Variants in NCAPG2 observed in about 807,000 individuals in gnomAD.
NCAPG2 encodes the protein condensin-2 complex subunit G2.
A neutral mutation model predicts 141.1 loss-of-function variants in NCAPG2; 53 were observed. That is an observed-to-expected ratio of 0.38 (90% CI 0.30 to 0.47). The LOEUF (loss-of-function observed/expected upper bound fraction) is 0.47, where lower values mean the gene tolerates loss of function less well. Among genes scored for constraint, NCAPG2 ranks in the 20% least tolerant of loss-of-function variants. NCAPG2 has a pLI of 0.99. For missense variants in NCAPG2, 1,087 were observed against 1,389.0 expected (o/e 0.78, Z 3.46); for synonymous variants, 499 against 490.7 (o/e 1.02, Z -0.22).
chr7:158,637,363 T>C (rs927553974), intron 27 of NCAPG2, among the ~76,000 whole-genome samples: 3 of 152,154 alleles, frequency 2.0e-5, no homozygotes, highest in Admixed American at 6.5e-5. Context: ...CCCACCTGCT[T>C]TAGTGCCCAG....
chr7:158,687,420 A>T lies in NCAPG2; in HGVS notation c.695T>A (p.Leu232His). 1 of 1,608,058 alleles carries T rather than the reference A, an allele frequency of 6.2e-7. No individual in the cohort carries two copies. The highest frequency in any genetic ancestry group is 8.5e-7 in the Non-Finnish European group (1 of 1,176,786). Residue 232 changes from leucine to histidine, a missense_variant, in exon 7 of 28, where the codon CTC (leucine) becomes CAC (histidine). By Grantham distance (99) the Leu-to-His change is moderately conservative. Transcript: ENST00000356309. Reference protein sequence around the residue: ...KEEGRRFLSCLFNWNINFIKM... With the variant: ...KEEGRRFLSCHFNWNINFIKM... ...GATGAAGTTGATATTCCAGTTGAAG[A>T]GACAACTAAGAAATCTTCTTCCCTA...
intron 27 of NCAPG2, among the ~76,000 whole-genome samples, 167 bp downstream of exon 27, chr7:158,644,122 A>T (rs1276670500): frequency 1.3e-5 from 2 of 152,262 alleles, no homozygotes; most frequent in African/African-American, 4.8e-5. Flanking sequence ...CAAGTAAATT[A>T]AACGTAAGCT....
chr7:158,674,568 G>C, intron 12 of NCAPG2, among the ~76,000 whole-genome samples: 1 of 152,220 alleles, frequency 6.6e-6, no homozygotes, highest in East Asian at 1.9e-4. Context: ...GGGATTACAG[G>C]TGTGAGCCAC....
rs552681921 is a variant in NCAPG2 at position 158,637,148 on chromosome 7, C to T, written c.3381-5431G>A. ...ATTTTTAGTAGAGACGGGGTTTCACCGTGTTAGCCAGGATGGTCTCGATCT... is the reference window on the plus strand; with the variant it reads ...ATTTTTAGTAGAGACGGGGTTTCACTGTGTTAGCCAGGATGGTCTCGATCT... On this transcript the variant is annotated intron_variant, in intron 27 of 27. Transcript: ENST00000356309. Among the ~76,000 whole-genome samples, 583 of 152,200 alleles carry T rather than the reference C, an allele frequency of 3.8e-3. 2 individuals carry two copies. The highest frequency in any genetic ancestry group is 6.8e-3 in the Non-Finnish European group (463 of 68,004).
intron 24 of NCAPG2, among the ~76,000 whole-genome samples, chr7:158,647,291 G>C (rs35348911): frequency 0.57 from 86,616 of 152,040 alleles, 25,111 homozygotes; most frequent in Non-Finnish European, 0.61. Context: ...GGAGGCTGAA[G>C]AGCATCCCTG....
intron 13 of NCAPG2, 118 bp from the exon 14 acceptor site, chr7:158,664,868 A>G (rs1832799061): frequency 2.5e-6 from 2 of 789,574 alleles, no homozygotes; most frequent in African/African-American, 1.7e-5. Context: ...ATTTAAAAAA[A>G]TTCACTTCGA....
chr7:158,677,562 T>C (rs1465905646), intron 11 of NCAPG2, among the ~76,000 whole-genome samples: 2 of 145,794 alleles, frequency 1.4e-5, no homozygotes, highest in African/African-American at 2.5e-5. Context: ...AAAAGAACTT[T>C]AGGAATCTGA....
intron 15 of NCAPG2, among the ~76,000 whole-genome samples, chr7:158,663,223 A>G (rs1345055818): frequency 6.6e-6 from 1 of 151,914 alleles, no homozygotes; most frequent in African/African-American, 2.4e-5. Context: ...CTGAGAGAAG[A>G]AACTCAAACT....
chr7:158,637,562 C>G (rs1830354923), intron 27 of NCAPG2, among the ~76,000 whole-genome samples: 1 of 152,302 alleles, frequency 6.6e-6, no homozygotes, highest in Non-Finnish European at 1.5e-5. Flanking sequence ...AGAGAGTAGG[C>G]TTTCCAGCTC....
intron 13 of NCAPG2, chr7:158,668,226 AC>A (rs1833359208): frequency 1.0e-5 from 2 of 195,314 alleles, no homozygotes; most frequent in African/African-American, 3.9e-4. Flanking sequence ...CTTACCCACT[AC>A]TGGGTCCCTC....
At chr7:158,659,025 T>TAAA (rs55893307) in intron 16 of NCAPG2, among the ~76,000 whole-genome samples, 3 of 97,732 alleles carry the variant, frequency 3.1e-5, no homozygotes, top group African/African-American at 8.1e-5. Context: ...GCATTATATT[T>TAAA]AAAAAAAAAA....
At chr7:158,636,162 G>A (rs767023187) in intron 27 of NCAPG2, among the ~76,000 whole-genome samples, 8 of 152,016 alleles carry the variant, frequency 5.3e-5, no homozygotes, top group African/African-American at 1.7e-4. Context: ...GAAACAAAAC[G>A]CTCCATCCCC....
chr7:158,665,385 G>C (rs185995956), intron 13 of NCAPG2: 2 of 152,476 alleles, frequency 1.3e-5, no homozygotes, highest in African/African-American at 4.8e-5. Flanking sequence ...CCTACAGAAA[G>C]CAAGCACCAA....
chr7:158,677,189 CAAAG>C (rs1449257360), intron 11 of NCAPG2, among the ~76,000 whole-genome samples: 2 of 151,896 alleles, frequency 1.3e-5, no homozygotes, highest in Non-Finnish European at 2.9e-5. Flanking sequence ...GGGCAACAGA[CAAAG>C]AAGAACAAAA....
intron 9 of NCAPG2, 111 bp downstream of exon 9, chr7:158,683,188 AT>A: frequency 1.2e-6 from 1 of 863,542 alleles, no homozygotes; most frequent in Non-Finnish European, 1.7e-6. Context: ...GTTCTGAGAA[AT>A]CCCCCTAACT....
chr7:158,643,617 G>C (rs570952490), intron 27 of NCAPG2, among the ~76,000 whole-genome samples: 1 of 152,354 alleles, frequency 6.6e-6, no homozygotes, highest in South Asian at 2.1e-4. Flanking sequence ...TCCAGAGGAA[G>C]TAGCTATGGA....
chr7:158,673,697 C>G (rs1004647479), intron 12 of NCAPG2, among the ~76,000 whole-genome samples: 9 of 152,216 alleles, frequency 5.9e-5, no homozygotes, highest in African/African-American at 1.9e-4. Flanking sequence ...AAACTGGGAC[C>G]AGCCGCATGC....
At position 158,676,888 on chromosome 7, in the gene NCAPG2, G is replaced by C. The variant is rs564748594; in HGVS notation, c.1147-1232C>G. Among the ~76,000 whole-genome samples, 5 of 152,260 alleles carry C rather than the reference G, an allele frequency of 3.3e-5. No homozygotes were observed. The South Asian group carries it at 8.3e-4, about 25-fold the overall frequency. On this transcript the variant is annotated intron_variant, in intron 11 of 27. Transcript: ENST00000356309. The stretch of plus-strand genomic sequence containing the variant: ...GAAACAAAAAGACTGAGAAATTTCT[G>C]TAAGAGAGGGAATAAGGAATAGATT...
At chr7:158,661,893 C>A (rs1832539562) in intron 16 of NCAPG2, among the ~76,000 whole-genome samples, 1 of 152,134 alleles carries the variant, frequency 6.6e-6, no homozygotes, top group Non-Finnish European at 1.5e-5. Context: ...TCTTAAACCC[C>A]TGCAAATCAA....
Sources: gnomAD v4.1 joint callset for allele counts (sites outside exome capture counted in the v4.1 genomes callset) on GRCh38, gnomAD v4.1.1 for gene constraint, MANE v1.5 for transcripts, NCBI Gene and HGNC (gene_info 2026-07-23, HGNC 2026-07-21) for gene names.